LAMA1: variants seen among roughly 807,000 people sequenced by gnomAD.
The protein encoded by LAMA1 is laminin subunit alpha 1.
LAMA1 carries 219 observed loss-of-function variants against 348.7 expected under a neutral mutation model. The observed-to-expected ratio is 0.63, with a 90% CI of 0.56 to 0.70. LAMA1 has a LOEUF of 0.70. Among genes scored for constraint, LAMA1 ranks in the 30% least tolerant of loss-of-function variants. The probability of loss-of-function intolerance (pLI) is 0.00; values close to 1 mark genes in which losing one functional copy is unlikely to be tolerated. For missense variants in LAMA1, 3,744 were observed against 3,888.0 expected (o/e 0.96, Z 0.99); for synonymous variants, 1,487 against 1,491.0 (o/e 1.00, Z 0.06).
In LAMA1 at chr18:7,011,490, A is replaced by G. The variant is rs1183237240; in HGVS notation, c.3508-11T>C. The stretch of plus-strand genomic sequence containing the variant: ...GGAGCCCAGCGTTACCTAAACCACG[A>G]AAGGAGGGGAAAGTGCACTTCAAAA... On this transcript the variant is annotated splice_polypyrimidine_tract_variant and intron_variant, in intron 24 of 62. Transcript: ENST00000389658. 1 of 1,592,948 alleles carries G rather than the reference A, an allele frequency of 6.3e-7. No individual in the cohort carries two copies. Among genetic ancestry groups the G allele is most frequent in the Non-Finnish European group, 8.5e-7 (1 of 1,169,952 alleles).
intron 17 of LAMA1, 150 bp downstream of exon 17, chr18:7,025,829 C>T (rs2057940101): frequency 1.7e-6 from 2 of 1,165,232 alleles, no homozygotes; most frequent in African/African-American, 3.0e-5. Context: ...GAAAATAACC[C>T]ACCCCTCTGT....
chr18:7,053,979 T>C (rs1173688790), intron 3 of LAMA1, among the ~76,000 whole-genome samples: 1 of 152,012 alleles, frequency 6.6e-6, no homozygotes, highest in Non-Finnish European at 1.5e-5. Context: ...CTATGTTGCC[T>C]AGGCTGGTCT....
rs145574058 is a variant in LAMA1 at position 7,048,253 on chromosome 18, T to C, written c.768+825A>G. ...ATACTAGTAAGCACATTGTCAACAT[T>C]AGTCAGCAGAGAAACACAAATTAAC... is the stretch of plus-strand genomic sequence containing the variant. On this transcript the variant is annotated intron_variant, in intron 5 of 62. Transcript: ENST00000389658. 5.1e-4 allele frequency among the ~76,000 whole-genome samples: 78 copies of C among 152,236 alleles called. No individual in the cohort carries two copies. In the East Asian group the frequency reaches 0.014, roughly 28 times the overall value.
At position 7,032,127 on chromosome 18, in the gene LAMA1, A is replaced by T. The variant is rs1235008441; in HGVS notation, c.2213T>A (p.Ile738Asn). 1 of 1,614,234 alleles carries T rather than the reference A, an allele frequency of 6.2e-7. No homozygotes were observed. Among genetic ancestry groups the T allele is most frequent in the Non-Finnish European group, 8.5e-7 (1 of 1,180,040 alleles). ...GCCGTGGCATTCACAGGGTTGACAA[A>T]TTCCTCCAAAGAGTATTCCATCCAC... ...YRVDGILFGGICQPCECHGHA... is the reference protein window; with the variant it reads ...YRVDGILFGGNCQPCECHGHA... Residue 738 changes from isoleucine (I) to asparagine (N), a missense_variant, in exon 16 of 63, where the codon ATT becomes AAT. Physicochemically the swap from Ile to Asn is moderately radical, Grantham distance 149. Around this residue, in one of 3 missense-constraint regions of LAMA1, gnomAD observed 1,529 missense variants for 1,689.4 expected, o/e 0.91. Transcript: ENST00000389658.
chr18:7,037,878 T>C, intron 11 of LAMA1, 127 bp from the exon 12 acceptor site: 2 of 895,578 alleles, frequency 2.2e-6, no homozygotes, highest in Non-Finnish European at 1.8e-6. Context: ...GGCATTAACA[T>C]AACACCTGTG....
chr18:7,099,682 T>C (rs2058283411), intron 1 of LAMA1, among the ~76,000 whole-genome samples: 1 of 151,552 alleles, frequency 6.6e-6, no homozygotes, highest in South Asian at 2.1e-4. Flanking sequence ...ATTGATCAAA[T>C]GGACCTCATC....
chr18:7,052,290 G>A (rs964162262), intron 3 of LAMA1, among the ~76,000 whole-genome samples: 9 of 151,968 alleles, frequency 5.9e-5, no homozygotes, highest in South Asian at 2.1e-4. Flanking sequence ...AATTAGCTGC[G>A]TGTGGTGGCA....
Position 7,044,774 on chromosome 18 carries a change from G to T in LAMA1, c.924C>A (p.Tyr308Ter). 1 of 1,614,198 alleles carries T rather than the reference G, an allele frequency of 6.2e-7. No individual in the cohort carries two copies. The highest frequency in any genetic ancestry group is 8.5e-7 in the Non-Finnish European group (1 of 1,180,048). The change falls in exon 7 of 63, where the codon TAC (tyrosine) becomes TAA (stop). Residue 308 changes from tyrosine to a stop codon, truncating the protein, a stop_gained. Coordinates refer to ENST00000389658, the MANE Select transcript of LAMA1 (RefSeq NM_005559.4). LOFTEE classifies it high-confidence loss of function. Reference protein sequence around the residue: ...GESCNRCCPGYHQQPWRPGTV... With the variant: ...GESCNRCCPG Reference sequence around the variant, plus strand: ...TTCCCGGCCTCCAGGGCTGCTGATGGTACCCAGGACAGCACCTGTTACAGC... The same window carrying T: ...TTCCCGGCCTCCAGGGCTGCTGATGTTACCCAGGACAGCACCTGTTACAGC...
At chr18:7,095,940 C>T (rs1166024899) in intron 1 of LAMA1, among the ~76,000 whole-genome samples, 2 of 152,164 alleles carry the variant, frequency 1.3e-5, no homozygotes, top group African/African-American at 4.8e-5. Flanking sequence ...TGGTGGCAGG[C>T]GCCTGTAATT....
At chr18:7,079,703 G>A in intron 3 of LAMA1, 1 of 481,184 alleles carries the variant, frequency 2.1e-6, no homozygotes, top group Non-Finnish European at 3.8e-6. Flanking sequence ...TGATACCCTG[G>A]ATGGATGAGT....
rs910473737 is a variant in LAMA1 at position 6,973,340 on chromosome 18, G to A, written c.6624-133C>T. The A allele has an allele frequency of 8.9e-6, 7 of 783,184 alleles. No homozygotes were observed. The African/African-American group carries it at 1.0e-4, about 12-fold the overall frequency. The allele number at this position is 783,184 out of a possible 1,614,324, so 48.5% of individuals were successfully genotyped here. On this transcript the variant is annotated intron_variant, in intron 46 of 62. Coordinates refer to ENST00000389658, the MANE Select transcript of LAMA1 (RefSeq NM_005559.4). ...AACAGCACCCCCCTGCTGGCCTCCT[G>A]GCTTCCAGTCTTGCCTACTGCCCGA...
At chr18:7,061,351 C>G (rs1424189180) in intron 3 of LAMA1, among the ~76,000 whole-genome samples, 1 of 152,188 alleles carries the variant, frequency 6.6e-6, no homozygotes, top group Non-Finnish European at 1.5e-5. Flanking sequence ...CACAGCCAGG[C>G]ATGTCACCAA....
At chr18:7,013,729 C>A in intron 23 of LAMA1, 86 bp downstream of exon 23, 2 of 1,321,876 alleles carry the variant, frequency 1.5e-6, no homozygotes, top group Non-Finnish European at 2.2e-6. Flanking sequence ...CATCCAAAAC[C>A]TGGCTGCTTA....
intron 3 of LAMA1, among the ~76,000 whole-genome samples, chr18:7,076,074 A>C (rs528121848): frequency 6.6e-6 from 1 of 152,306 alleles, no homozygotes; most frequent in African/African-American, 2.4e-5. Flanking sequence ...GAGAAAGAAA[A>C]GTAGAAGACA....
intron 35 of LAMA1, 134 bp from the exon 36 acceptor site, chr18:6,992,854 C>T: frequency 1.4e-6 from 1 of 693,738 alleles, no homozygotes; most frequent in Non-Finnish European, 2.5e-6. Context: ...TCAGGCCAGG[C>T]CACCTGGCAT....
In LAMA1 at chr18:7,045,405, G is replaced by C. The variant is rs550224444; in HGVS notation, c.859-566C>G. ...TAATCCCTTGAACCCAGGATGCGGA[G>C]GTTGCAGTGAGCCGAGATTGCACCA... On this transcript the variant is annotated intron_variant, in intron 6 of 62. Transcript: ENST00000389658. Among the ~76,000 whole-genome samples, 11 of 152,138 alleles carry C rather than the reference G, an allele frequency of 7.2e-5. No individual in the cohort carries two copies. The South Asian group carries it at 2.1e-3, about 29-fold the overall frequency.
At chr18:7,113,503 G>A (rs993783093) in intron 1 of LAMA1, among the ~76,000 whole-genome samples, 2 of 152,206 alleles carry the variant, frequency 1.3e-5, no homozygotes, top group Non-Finnish European at 2.9e-5. Flanking sequence ...GCACACCTTG[G>A]AAGAAGACCA....
intron 48 of LAMA1, among the ~76,000 whole-genome samples, chr18:6,970,818 G>T (rs967940845): frequency 6.6e-6 from 1 of 152,076 alleles, no homozygotes; most frequent in African/African-American, 2.4e-5. Flanking sequence ...TCACCATATT[G>T]ATCAGGCTGG....
At position 7,064,280 on chromosome 18, in the gene LAMA1, CA is replaced by C. The variant is rs796152248; in HGVS notation, c.346-13345del. 5.1e-4 allele frequency among the ~76,000 whole-genome samples: 76 copies of C among 149,844 alleles called. 1 individual carries two copies. The highest frequency in any genetic ancestry group is 1.1e-3 in the African/African-American group (45 of 40,880). ...GCATATTTTATAATAACACCCCCTCCAAAAAAAAAGAGATGAAAAGTGAATG... is the reference window on the plus strand; with the variant it reads ...GCATATTTTATAATAACACCCCCTCCAAAAAAAAGAGATGAAAAGTGAATG... On this transcript the variant is annotated intron_variant, in intron 3 of 62. Coordinates refer to ENST00000389658, the MANE Select transcript of LAMA1 (RefSeq NM_005559.4).
Sources: allele counts gnomAD v4.1 joint callset (sites outside exome capture counted in the v4.1 genomes callset), GRCh38; gene constraint gnomAD v4.1.1; regional missense constraint gnomAD v4.1.1; transcripts MANE v1.5; gene names NCBI Gene and HGNC (gene_info 2026-07-23, HGNC 2026-07-21).